Variants in RANBP9 observed in about 807,000 individuals in gnomAD.
RANBP9 encodes ran-binding protein 9.
In RANBP9, 15 loss-of-function variants were observed where a neutral mutation model predicts 84.3. The ratio of observed to expected loss-of-function variants is 0.18; its 90% CI spans 0.12 to 0.27. The LOEUF (loss-of-function observed/expected upper bound fraction) is 0.27, where lower values mean the gene tolerates loss of function less well. RANBP9 is among the 10% of genes least tolerant of loss of function. The pLI, the probability that RANBP9 is intolerant of heterozygous loss-of-function variation, is 1.00. For synonymous variants in RANBP9, 392 were observed against 349.6 expected, an observed-to-expected ratio of 1.12 and a Z score of -1.35; for missense variants, 809 against 912.8, an observed-to-expected ratio of 0.89 and a Z score of 1.46.
intron 2 of RANBP9, among the ~76,000 whole-genome samples, chr6:13,679,757 G>C (rs1028034205): frequency 6.6e-6 from 1 of 152,072 alleles, no homozygotes; most frequent in Non-Finnish European, 1.5e-5. Context: ...AACATTACAG[G>C]TTCTACTTGT....
intron 2 of RANBP9, among the ~76,000 whole-genome samples, chr6:13,693,299 G>C (rs1766369738): frequency 6.6e-6 from 1 of 152,208 alleles, no homozygotes; most frequent in Non-Finnish European, 1.5e-5. Flanking sequence ...GTGAGAATTA[G>C]GGATTCTTCA....
At chr6:13,710,837 G>A (rs1313470485) in intron 1 of RANBP9, 98 bp downstream of exon 1, 2 of 1,339,786 alleles carry the variant, frequency 1.5e-6, no homozygotes, top group Admixed American at 4.8e-5. Flanking sequence ...GGCAGAGCCC[G>A]CGAGGGCGGG....
intron 9 of RANBP9, 30 bp downstream of exon 9, chr6:13,639,533 C>A: frequency 6.4e-7 from 1 of 1,558,754 alleles, no homozygotes; most frequent in East Asian, 2.2e-5. Context: ...GAGGAAAAAT[C>A]TAAAAATAAT....
intron 2 of RANBP9, among the ~76,000 whole-genome samples, chr6:13,679,835 T>A (rs754336227): frequency 5.3e-5 from 8 of 152,164 alleles, no homozygotes; most frequent in African/African-American, 1.9e-4. Flanking sequence ...TTTTCAATAA[T>A]ATTTCTCTTC....
intron 2 of RANBP9, among the ~76,000 whole-genome samples, chr6:13,675,943 A>G (rs1211332316): frequency 6.6e-6 from 1 of 152,070 alleles, no homozygotes; most frequent in African/African-American, 2.4e-5. Context: ...ACACAAGGAG[A>G]AAATGAAAAT....
intron 2 of RANBP9, among the ~76,000 whole-genome samples, chr6:13,669,207 T>C (rs951844440): frequency 1.3e-5 from 2 of 152,070 alleles, no homozygotes; most frequent in African/African-American, 4.8e-5. Flanking sequence ...AACGACATTG[T>C]TGAAAAAATG....
rs70989878 is a variant in RANBP9, at chr6:13,666,600, C to CAAAAAAAAAAAAAAAAAAA, written c.684-7787_684-7769dup. Among the ~76,000 whole-genome samples the CAAAAAAAAAAAAAAAAAAA allele has an allele frequency of 7.1e-4, 31 of 43,700 alleles. 1 individual carries two copies. Among genetic ancestry groups the CAAAAAAAAAAAAAAAAAAA allele is most frequent in the Non-Finnish European group, 1.1e-3 (26 of 23,362 alleles). The allele number at this position is 43,700 out of a possible 152,430, so 28.7% of individuals were successfully genotyped here. On this transcript the variant is annotated intron_variant, in intron 2 of 13. Transcript: ENST00000011619. ...AGACCAGCCTGGGACCCCGTCTCTCCAAAAAAAAAAAAAAAAAAAAAAAAA... is the reference window on the plus strand; with the variant it reads ...AGACCAGCCTGGGACCCCGTCTCTCCAAAAAAAAAAAAAAAAAAAAAAAAAAAAAAAAAAAAAAAAAAAA...
intron 12 of RANBP9, among the ~76,000 whole-genome samples, chr6:13,628,097 CTATT>C (rs1188653675): frequency 1.3e-5 from 2 of 152,184 alleles, no homozygotes; most frequent in African/African-American, 4.8e-5. Context: ...TATGGATCAT[CTATT>C]TAATCCTTAC....
intron 5 of RANBP9, among the ~76,000 whole-genome samples, chr6:13,649,926 T>C (rs1261719932): frequency 2.0e-5 from 3 of 152,202 alleles, no homozygotes; most frequent in Non-Finnish European, 4.4e-5. Flanking sequence ...AGACCTTATG[T>C]AATTTTCAGA....
intron 4 of RANBP9, among the ~76,000 whole-genome samples, chr6:13,653,928 C>T (rs1393897207): frequency 1.3e-5 from 2 of 152,132 alleles, no homozygotes; most frequent in East Asian, 3.9e-4. Flanking sequence ...AAATAAAAAA[C>T]TTTCCCAAAA....
In RANBP9 at chr6:13,668,972, T is replaced by A. The variant is rs528941443; in HGVS notation, c.684-10140A>T. 2.0e-5 allele frequency among the ~76,000 whole-genome samples: 3 copies of A among 152,262 alleles called. No individual in the cohort carries two copies. In the South Asian group the frequency reaches 6.2e-4, roughly 32 times the overall value. On this transcript the variant is annotated intron_variant, in intron 2 of 13. Coordinates refer to ENST00000011619, the MANE Select transcript of RANBP9 (RefSeq NM_005493.3). ...TCTATTGACAGATGGCACAATTTTG[T>A]ATATAGAAAATCCTAAAGAATCTCC...
chr6:13,700,994 G>C (rs1218814395), intron 1 of RANBP9, among the ~76,000 whole-genome samples: 4 of 152,132 alleles, frequency 2.6e-5, no homozygotes, highest in South Asian at 2.1e-4. Context: ...AGAAACACCG[G>C]TATCTTCCTC....
chr6:13,641,325 G>A lies in RANBP9; in HGVS notation c.1226-18C>T, dbSNP rs1416514949. On this transcript the variant is annotated intron_variant, in intron 7 of 13. Coordinates refer to ENST00000011619, the MANE Select transcript of RANBP9 (RefSeq NM_005493.3). Reference sequence around the variant, plus strand: ...CTGAATTCCTATTCAGTAAAAGAAAGCAAACGATTAACTTTTACAAAAGTA... The same window carrying A: ...CTGAATTCCTATTCAGTAAAAGAAAACAAACGATTAACTTTTACAAAAGTA... The A allele has an allele frequency of 1.2e-5, 18 of 1,474,310 alleles. No homozygotes were observed. The highest frequency in any genetic ancestry group is 1.7e-5 in the Non-Finnish European group (18 of 1,070,250). 91.3% of individuals were successfully genotyped at this position (1,474,310 alleles called of 1,614,324 possible).
At chr6:13,652,535 A>AC in intron 5 of RANBP9, 124 bp downstream of exon 5, 1 of 899,318 alleles carries the variant, frequency 1.1e-6, no homozygotes, top group East Asian at 2.7e-5. Flanking sequence ...CTTTCTTTGC[A>AC]TGTCATATAA....
intron 1 of RANBP9, among the ~76,000 whole-genome samples, chr6:13,708,117 G>C (rs896266263): frequency 3.3e-5 from 5 of 152,176 alleles, no homozygotes; most frequent in African/African-American, 1.2e-4. Context: ...CAATTTAGAA[G>C]AACATCTTAA....
intron 2 of RANBP9, among the ~76,000 whole-genome samples, chr6:13,691,778 G>A (rs570703060): frequency 6.4e-4 from 98 of 152,144 alleles, no homozygotes; most frequent in African/African-American, 2.2e-3. Context: ...CGATTCTCCT[G>A]CCCCAGCCCC....
At chr6:13,707,305 C>T (rs1417570353) in intron 1 of RANBP9, among the ~76,000 whole-genome samples, 1 of 152,182 alleles carries the variant, frequency 6.6e-6, no homozygotes, top group East Asian at 1.9e-4. Context: ...AGGCGTAAGC[C>T]ACCACACCCA....
intron 2 of RANBP9, among the ~76,000 whole-genome samples, chr6:13,687,179 C>CT (rs1434438704): frequency 2.6e-5 from 4 of 152,286 alleles, no homozygotes; most frequent in African/African-American, 9.6e-5. Flanking sequence ...ATTCCCATGG[C>CT]TTTAACAACT....
At chr6:13,701,613 T>C (rs769373077) in intron 1 of RANBP9, among the ~76,000 whole-genome samples, 16 of 151,548 alleles carry the variant, frequency 1.1e-4, no homozygotes, top group Non-Finnish European at 2.2e-4. Flanking sequence ...CCACTAAAAA[T>C]ACAAAAAGTG....
Sources: allele counts gnomAD v4.1 joint callset (sites outside exome capture counted in the v4.1 genomes callset), GRCh38; gene constraint gnomAD v4.1.1; transcripts MANE v1.5; gene names NCBI Gene and HGNC (gene_info 2026-07-23, HGNC 2026-07-21).